The following HSF2BP variants were observed in gnomAD, a reference collection of about 807,000 sequenced individuals.
The protein encoded by HSF2BP is heat shock factor 2-binding protein.
HSF2BP carries 35 observed loss-of-function variants against 35.0 expected under a neutral mutation model. The observed-to-expected ratio is 1.00, with a 90% CI of 0.76 to 1.32. The LOEUF is 1.32. HSF2BP is among the 40% of genes most tolerant of loss of function. The pLI is 0.00. For synonymous variants in HSF2BP, 114 were observed against 117.4 expected (o/e 0.97, Z 0.18); for missense variants, 326 against 321.7 (o/e 1.01, Z -0.10).
intron 7 of HSF2BP, among the ~76,000 whole-genome samples, chr21:43,595,175 T>C (rs1404497730): frequency 6.6e-6 from 1 of 151,898 alleles, no homozygotes; most frequent in Admixed American, 6.5e-5. Flanking sequence ...GGCAGGAGAA[T>C]CTCTTGAATG....
chr21:43,573,808 C>T (rs980241929), intron 8 of HSF2BP, among the ~76,000 whole-genome samples: 1 of 152,136 alleles, frequency 6.6e-6, no homozygotes, highest in Non-Finnish European at 1.5e-5. Context: ...GGGAGGGTGA[C>T]ACCTGGGCAT....
intron 4 of HSF2BP, among the ~76,000 whole-genome samples, chr21:43,636,258 GA>G (rs1037471294): frequency 1.0e-5 from 1 of 96,752 alleles, no homozygotes; most frequent in African/African-American, 4.7e-5. Context: ...GAAAAGAAAA[GA>G]AAAGAAAAGA....
intron 7 of HSF2BP, among the ~76,000 whole-genome samples, chr21:43,612,709 G>A (rs1309912048): frequency 6.6e-6 from 1 of 150,916 alleles, no homozygotes; most frequent in African/African-American, 2.4e-5. Context: ...CATGCCTGTA[G>A]TCCCAGCTAC....
intron 7 of HSF2BP, among the ~76,000 whole-genome samples, chr21:43,599,330 C>A (rs956768137): frequency 5.9e-5 from 9 of 152,194 alleles, no homozygotes; most frequent in Non-Finnish European, 1.3e-4. Context: ...CTAGGTCACA[C>A]AAGAGTTAGC....
chr21:43,589,061 C>G (rs2081893567), intron 8 of HSF2BP, among the ~76,000 whole-genome samples: 1 of 152,178 alleles, frequency 6.6e-6, no homozygotes, highest in Non-Finnish European at 1.5e-5. Flanking sequence ...CAGCCATAGC[C>G]AGAGCATTTA....
At chr21:43,572,436 C>A (rs947739404) in intron 8 of HSF2BP, among the ~76,000 whole-genome samples, 1 of 152,162 alleles carries the variant, frequency 6.6e-6, no homozygotes, top group Non-Finnish European at 1.5e-5. Flanking sequence ...TGGGGCAAGA[C>A]GCACCCTCAG....
chr21:43,586,694 A>G (rs1448287595), intron 8 of HSF2BP, among the ~76,000 whole-genome samples: 1 of 152,186 alleles, frequency 6.6e-6, no homozygotes, highest in Non-Finnish European at 1.5e-5. Context: ...TCTGGGTTGA[A>G]TGAGTCCAAA....
intron 3 of HSF2BP, among the ~76,000 whole-genome samples, chr21:43,653,512 G>A (rs533127169): frequency 2.6e-5 from 4 of 152,308 alleles, no homozygotes; most frequent in African/African-American, 7.2e-5. Context: ...TGATCATGTC[G>A]AGGTAGTCAG....
intron 4 of HSF2BP, among the ~76,000 whole-genome samples, chr21:43,641,247 C>T (rs912170207): frequency 6.6e-6 from 1 of 152,184 alleles, no homozygotes; most frequent in Non-Finnish European, 1.5e-5. Flanking sequence ...GATCCGCCCA[C>T]CTCAGCCTCC....
At chr21:43,612,626 G>C (rs371077475) in intron 7 of HSF2BP, among the ~76,000 whole-genome samples, 1 of 147,070 alleles carries the variant, frequency 6.8e-6, no homozygotes, top group Non-Finnish European at 1.5e-5. Context: ...ACTCCAGCCC[G>C]GGTGACAGAG....
intron 4 of HSF2BP, among the ~76,000 whole-genome samples, chr21:43,639,952 A>G (rs2082613786): frequency 6.6e-6 from 1 of 152,220 alleles, no homozygotes; most frequent in Non-Finnish European, 1.5e-5. Context: ...CATACCATGG[A>G]ATATGAGGCA....
rs934641587 is a variant in HSF2BP, at chr21:43,630,431, G to C, written c.465C>G (p.Ser155Arg). 6.2e-7 allele frequency: 1 copy of C among 1,612,260 alleles called. No individual in the cohort carries two copies. Among genetic ancestry groups the C allele is most frequent in the South Asian group, 1.1e-5 (1 of 90,602 alleles). Residue 155 changes from serine to arginine, a missense_variant, in exon 6 of 9, where the codon AGC (serine) becomes AGG (arginine). By Grantham distance (110) the Ser-to-Arg change is moderately radical. Coordinates refer to ENST00000291560, the MANE Select transcript of HSF2BP (RefSeq NM_007031.2). ...AACTCTCCATTGTTTGACCAGTGAT[G>C]CTGAAAAACTTCAAAGCTTTATCCT... Reference protein sequence around the residue: ...LGGDKALKFFSITGQTMESFV... With the variant: ...LGGDKALKFFRITGQTMESFV...
intron 8 of HSF2BP, among the ~76,000 whole-genome samples, chr21:43,588,348 A>G (rs974579932): frequency 1.3e-5 from 2 of 152,208 alleles, no homozygotes; most frequent in Non-Finnish European, 2.9e-5. Context: ...ACTGCACTCC[A>G]GCCTGGGCAA....
intron 8 of HSF2BP, among the ~76,000 whole-genome samples, chr21:43,582,539 G>A (rs2081769726): frequency 9.6e-6 from 1 of 103,942 alleles, no homozygotes; most frequent in Non-Finnish European, 2.0e-5. Flanking sequence ...TGAGGGAGAT[G>A]AGGACCTGCT....
At chr21:43,631,928 C>A in intron 5 of HSF2BP, among the ~76,000 whole-genome samples, 1 of 148,240 alleles carries the variant, frequency 6.7e-6, no homozygotes, top group African/African-American at 2.5e-5. Flanking sequence ...CCCACACACA[C>A]GATCCCACAT....
chr21:43,619,621 C>T (rs902258156), intron 6 of HSF2BP, among the ~76,000 whole-genome samples: 1 of 152,228 alleles, frequency 6.6e-6, no homozygotes, highest in African/African-American at 2.4e-5. Context: ...AAAATTTCCA[C>T]AACTCAGTTG....
At chr21:43,639,254 TAGAC>T (rs1438392957) in intron 4 of HSF2BP, among the ~76,000 whole-genome samples, 2 of 152,220 alleles carry the variant, frequency 1.3e-5, no homozygotes, top group East Asian at 1.9e-4. Context: ...GAAAAATTCT[TAGAC>T]ATAACAACAA....
At chr21:43,630,982 C>G (rs1485058807) in intron 5 of HSF2BP, among the ~76,000 whole-genome samples, 1 of 152,084 alleles carries the variant, frequency 6.6e-6, no homozygotes, top group African/African-American at 2.4e-5. Flanking sequence ...AACCAATGTA[C>G]ATTTTAACCC....
In HSF2BP at chr21:43,658,197, G is replaced by T. The variant is rs760286841; in HGVS notation, c.-101C>A. 21 of 1,342,316 alleles carry T rather than the reference G, an allele frequency of 1.6e-5. No homozygotes were observed. Among genetic ancestry groups the T allele is most frequent in the Non-Finnish European group, 2.1e-5 (21 of 1,015,636 alleles). 83.2% of individuals were successfully genotyped at this position (1,342,316 alleles called of 1,614,324 possible). On this transcript the variant is annotated 5_prime_UTR_variant, in exon 2 of 9. Transcript: ENST00000291560. The stretch of plus-strand genomic sequence containing the variant: ...CGAATCCACGCCGGGGGTCGGGAAC[G>T]GAGAGCCGCCAGGCCCAAACCTCCC...
Sources: gnomAD v4.1 joint callset for allele counts (sites outside exome capture counted in the v4.1 genomes callset) on GRCh38, gnomAD v4.1.1 for gene constraint, MANE v1.5 for transcripts, NCBI Gene and HGNC (gene_info 2026-07-23, HGNC 2026-07-21) for gene names.